Variants in NHSL2 observed in about 807,000 individuals in gnomAD.
NHSL2 encodes the protein NHS like 2.
In NHSL2, 27 loss-of-function variants were observed where a neutral mutation model predicts 53.4. The ratio of observed to expected loss-of-function variants is 0.51; its 90% CI spans 0.37 to 0.70. The LOEUF is 0.70. Ranked by LOEUF, NHSL2 falls within the 30% of genes least tolerant of loss-of-function variation. The probability of loss-of-function intolerance (pLI) is 0.00; values close to 1 mark genes in which losing one functional copy is unlikely to be tolerated. For missense variants in NHSL2, 892 were observed against 980.1 expected, an observed-to-expected ratio of 0.91 and a Z score of 1.20; for synonymous variants, 408 against 404.1, an observed-to-expected ratio of 1.01 and a Z score of -0.12.
At chrX:72,096,696 C>G (rs2041946435) in intron 1 of NHSL2, among the ~76,000 whole-genome samples, 1 of 111,998 alleles carries the variant, frequency 8.9e-6, no homozygotes, top group African/African-American at 3.3e-5. Context: ...TTAGCATACC[C>G]ATTATCTCAA....
At chrX:71,983,552 A>C (rs1471407878) in intron 1 of NHSL2, among the ~76,000 whole-genome samples, 1 of 110,426 alleles carries the variant, frequency 9.1e-6, no homozygotes, top group East Asian at 2.8e-4. Context: ...TTGAGGGTGC[A>C]GTGAGCCATG....
At chrX:71,966,458 A>C (rs1365843048) in intron 1 of NHSL2, among the ~76,000 whole-genome samples, 2 of 110,428 alleles carry the variant, frequency 1.8e-5, no homozygotes, top group East Asian at 5.6e-4. Flanking sequence ...AAAGTTGAGG[A>C]TATCCTTTCT....
intron 1 of NHSL2, among the ~76,000 whole-genome samples, chrX:71,943,605 C>T (rs1348597375): frequency 8.9e-6 from 1 of 112,657 alleles, no homozygotes; most frequent in Non-Finnish European, 1.9e-5. Flanking sequence ...CATTTGGTTA[C>T]TTACTTATTT....
At chrX:71,912,414 A>G (rs1217862235) in intron 1 of NHSL2, among the ~76,000 whole-genome samples, 1 of 112,505 alleles carries the variant, frequency 8.9e-6, no homozygotes, top group Non-Finnish European at 1.9e-5. Flanking sequence ...GTGTGGCCAG[A>G]AAGTTTCCAA....
chrX:71,917,813 G>C (rs1408553688), intron 1 of NHSL2, among the ~76,000 whole-genome samples: 1 of 111,152 alleles, frequency 9.0e-6, no homozygotes, highest in Admixed American at 9.6e-5. Flanking sequence ...GAGCTGGTGT[G>C]GGGGAGGAAT....
At chrX:72,048,736 A>T (rs1402367176) in intron 1 of NHSL2, among the ~76,000 whole-genome samples, 1 of 109,470 alleles carries the variant, frequency 9.1e-6, no homozygotes, top group Non-Finnish European at 1.9e-5. Flanking sequence ...CTTGGACTTT[A>T]CTCGACCTGT....
intron 1 of NHSL2, among the ~76,000 whole-genome samples, chrX:71,968,047 A>T (rs867102429): frequency 6.6e-5 from 7 of 106,710 alleles, no homozygotes; most frequent in African/African-American, 2.4e-4. Flanking sequence ...TCCAGGCTGG[A>T]GTGCAGTGGT....
intron 1 of NHSL2, among the ~76,000 whole-genome samples, chrX:71,956,778 G>A (rs947899476): frequency 3.6e-5 from 4 of 111,371 alleles, no homozygotes; most frequent in African/African-American, 1.3e-4. Flanking sequence ...AAATCCAGCA[G>A]TGACTCCTAA....
intron 1 of NHSL2, among the ~76,000 whole-genome samples, chrX:71,926,891 G>T (rs939695971): frequency 9.0e-6 from 1 of 111,143 alleles, no homozygotes; most frequent in Admixed American, 9.6e-5. Context: ...AGTACCTGCT[G>T]TATCTCTGGT....
At chrX:72,106,297 T>C (rs772375888) in intron 1 of NHSL2, among the ~76,000 whole-genome samples, 1 of 111,507 alleles carries the variant, frequency 9.0e-6, no homozygotes, top group East Asian at 2.8e-4. Flanking sequence ...GGTTCTGAGT[T>C]TGCAAGATGA....
At chrX:71,926,317 G>A (rs986643376) in intron 1 of NHSL2, among the ~76,000 whole-genome samples, 36 of 112,316 alleles carry the variant, frequency 3.2e-4, no homozygotes, top group African/African-American at 1.1e-3. Context: ...GTTTTAGGTG[G>A]TGGAGATACA....
intron 1 of NHSL2, among the ~76,000 whole-genome samples, chrX:72,125,386 C>A (rs2042215641): frequency 9.0e-6 from 1 of 111,594 alleles, no homozygotes; most frequent in Non-Finnish European, 1.9e-5. Context: ...TCACTCACTT[C>A]TTCATTTATG....
At chrX:72,030,755 G>A (rs538952535) in intron 1 of NHSL2, among the ~76,000 whole-genome samples, 38 of 111,795 alleles carry the variant, frequency 3.4e-4, no homozygotes, top group African/African-American at 8.5e-4. Flanking sequence ...GGCTAATTTC[G>A]AGCTACCAAC....
At chrX:72,002,301 C>G (rs1284128480) in intron 1 of NHSL2, among the ~76,000 whole-genome samples, 6 of 112,305 alleles carry the variant, frequency 5.3e-5, no homozygotes, top group Non-Finnish European at 9.4e-5. Flanking sequence ...ATATTTCACA[C>G]CTGCCTAAGT....
In NHSL2 at chrX:72,138,604, G is replaced by A. The variant is rs767264318; in HGVS notation, c.1056G>A (p.Pro352=). ...SPVLRTPSSE[P]DEPHQARSGP... is the part of the protein sequence containing the mutation. ...TACTGAGAACTCCTTCCAGTGAGCC[G>A]GACGAACCTCACCAGGCACGGAGTG... Residue 352 remains proline (P), a synonymous_variant, in exon 6 of 8, where the codon CCG becomes CCA. Coordinates refer to ENST00000633930, the MANE Select transcript of NHSL2 (RefSeq NM_001013627.3). 28 of 1,165,479 alleles carry A rather than the reference G, an allele frequency of 2.4e-5. No individual in the cohort carries two copies. The Middle Eastern group carries it at 2.8e-3, about 115-fold the overall frequency.
At chrX:71,931,255 C>T (rs905290684) in intron 1 of NHSL2, among the ~76,000 whole-genome samples, 5 of 111,920 alleles carry the variant, frequency 4.5e-5, no homozygotes, top group African/African-American at 6.5e-5. Flanking sequence ...TTATGTATTC[C>T]GTATATTAAT....
intron 1 of NHSL2, among the ~76,000 whole-genome samples, chrX:71,989,578 A>T (rs1404067038): frequency 9.0e-6 from 1 of 111,378 alleles, no homozygotes; most frequent in Non-Finnish European, 1.9e-5. Context: ...CAAAGCCCCT[A>T]CTATTTTTTC....
intron 1 of NHSL2, among the ~76,000 whole-genome samples, chrX:72,060,101 A>T (rs919535496): frequency 1.8e-5 from 2 of 112,267 alleles, no homozygotes; most frequent in African/African-American, 6.5e-5. Context: ...GCATGAGGCC[A>T]TGTGGTGAAG....
At chrX:72,130,525 T>A in intron 1 of NHSL2, 1 of 1,211,110 alleles carries the variant, frequency 8.3e-7, no homozygotes, top group Non-Finnish European at 1.1e-6. Flanking sequence ...CTCTTCATCT[T>A]CACTTTCTTC....
Sources: allele counts gnomAD v4.1 joint callset (sites outside exome capture counted in the v4.1 genomes callset), GRCh38; gene constraint gnomAD v4.1.1; transcripts MANE v1.5; gene names NCBI Gene and HGNC (gene_info 2026-07-23, HGNC 2026-07-21).